CNP: variants seen among roughly 807,000 people sequenced by gnomAD.
The protein encoded by CNP is 2',3'-cyclic nucleotide 3' phosphodiesterase.
Under a neutral mutation model 37.9 loss-of-function variants are expected in CNP, and 8 were observed. The ratio of observed to expected loss-of-function variants is 0.21; its 90% confidence interval spans 0.12 to 0.38. The LOEUF (loss-of-function observed/expected upper bound fraction) is 0.38. Among genes scored for constraint, CNP ranks in the 10% least tolerant of loss-of-function variants. The pLI is 1.00. For missense variants in CNP, 457 were observed against 551.0 expected, an observed-to-expected ratio of 0.83 and a Z score of 1.71; for synonymous variants, 237 against 238.3, an observed-to-expected ratio of 0.99 and a Z score of 0.05.
rs782021529 is a variant in CNP at position 41,973,603 on chromosome 17, C to T, written c.945C>T (p.Asp315=). 2 of 1,614,204 alleles carry T rather than the reference C, an allele frequency of 1.2e-6. No individual in the cohort carries two copies. The highest frequency in any genetic ancestry group is 1.7e-6 in the Non-Finnish European group (2 of 1,180,050). Residue 315 remains aspartate (D), a synonymous_variant, in exon 4 of 4, where the codon GAC becomes GAT. Transcript: ENST00000393892. ...QQLQLWPSDV[D]KLSPTDNLPR... ...TGCAGTTGTGGCCGAGTGATGTGGA[C>T]AAGCTGTCACCCACTGACAACCTGC...
In CNP at chr17:41,966,833, C is replaced by A; in HGVS notation, c.-52C>A. The A allele has an allele frequency of 1.5e-6, 2 of 1,375,656 alleles. No individual in the cohort carries two copies. Among genetic ancestry groups the A allele is most frequent in the Admixed American group, 3.2e-5 (1 of 30,932 alleles). 85.2% of individuals were successfully genotyped at this position (1,375,656 alleles called of 1,614,324 possible). A position where few individuals can be genotyped will look rare whatever the true frequency, so the allele number is the denominator to read the frequency against. On this transcript the variant is annotated 5_prime_UTR_variant, in exon 1 of 4. Transcript: ENST00000393892. ...CGTGTCCCTCCGCGCAGGCGGGCGG[C>A]CCCGGAGCGCTGGTGCCGGCAGAGG...
chr17:41,976,689 C>G lies in CNP; in HGVS notation c.*2765C>G. ...AACTGTTTCCACATTCAAGATTAAA[C>G]TGAGTGAATCTGCATTTTCTGGGTT... On this transcript the variant is annotated 3_prime_UTR_variant, in exon 4 of 4. Transcript: ENST00000393892. The G allele has an allele frequency of 6.2e-7, 1 of 1,602,478 alleles. No homozygotes were observed. The highest frequency in any genetic ancestry group is 1.1e-5 in the South Asian group (1 of 90,298).
chr17:41,967,628 G>A (rs2050920462), intron 1 of CNP: 4 of 1,008,404 alleles, frequency 4.0e-6, no homozygotes, highest in Non-Finnish European at 4.8e-6. Flanking sequence ...TGCGGCCATT[G>A]TTGGGGGAAG....
rs782066235 is a variant in CNP at position 41,973,703 on chromosome 17, T to C, written c.1045T>C (p.Leu349=). The change falls in exon 4 of 4, where the codon TTA becomes CTA. Residue 349 remains leucine, a synonymous_variant. Coordinates refer to ENST00000393892, the MANE Select transcript of CNP (RefSeq NM_033133.5). ...GGCCGTGCAGACGGGCCTTGACCTC[T>C]TAGAGATTCTGCGGCAGGAGAAGGG... ...VEAVQTGLDL[L]EILRQEKGGS... The C allele has an allele frequency of 2.6e-5, 42 of 1,612,340 alleles. No homozygotes were observed. The Admixed American group carries it at 7.0e-4, about 27-fold the overall frequency.
In CNP at chr17:41,976,576, C is replaced by T; in HGVS notation, c.*2652C>T. On this transcript the variant is annotated 3_prime_UTR_variant, in exon 4 of 4. Transcript: ENST00000393892. ...CGGTCTTCGGCATTGGTTCCCTTTG[C>T]TCCACCCCACTCACAGAGACACAGG... 1.1e-5 allele frequency: 10 copies of T among 920,366 alleles called. No individual in the cohort carries two copies. Among genetic ancestry groups the T allele is most frequent in the Non-Finnish European group, 1.4e-5 (9 of 629,286 alleles). 57.0% of individuals were successfully genotyped at this position (920,366 alleles called of 1,614,324 possible).
chr17:41,974,074 A>C lies in CNP; in HGVS notation c.*150A>C, dbSNP rs1598106631. 1.6e-6 allele frequency: 1 copy of C among 644,928 alleles called. No individual in the cohort carries two copies. Among genetic ancestry groups the C allele is most frequent in the Non-Finnish European group, 2.3e-6 (1 of 430,032 alleles). 40.0% of individuals were successfully genotyped at this position (644,928 alleles called of 1,614,324 possible). A position where few individuals can be genotyped will look rare whatever the true frequency, so the allele number is the denominator to read the frequency against. On this transcript the variant is annotated 3_prime_UTR_variant, in exon 4 of 4. Transcript: ENST00000393892. ...TTTTTAAAAACTTGTAAAATAACTG[A>C]CCCTCCCTTCCTGTCCGCCCTCTTC...
intron 3 of CNP, among the ~76,000 whole-genome samples, chr17:41,972,345 T>C (rs2051002507): frequency 6.6e-6 from 1 of 152,006 alleles, no homozygotes; most frequent in Admixed American, 6.6e-5. Context: ...TCTCTGAGCC[T>C]GTTTTACCTT....
At chr17:41,973,344 G>A (rs2051019029) in intron 3 of CNP, 131 bp from the exon 4 acceptor site, 3 of 855,190 alleles carry the variant, frequency 3.5e-6, no homozygotes, top group East Asian at 4.9e-5. Context: ...GGCCTATACC[G>A]ACCCCTGCTC....
At position 41,972,179 on chromosome 17, in the gene CNP, CCT is replaced by C. The variant is rs751611071; in HGVS notation, c.816+149_816+150del. The C allele has an allele frequency of 6.5e-5, 64 of 982,122 alleles. 1 individual carries two copies. The highest frequency in any genetic ancestry group is 5.4e-5 in the Non-Finnish European group (36 of 665,762). 60.8% of individuals were successfully genotyped at this position (982,122 alleles called of 1,614,324 possible). On this transcript the variant is annotated intron_variant, in intron 3 of 3. Coordinates refer to ENST00000393892, the MANE Select transcript of CNP (RefSeq NM_033133.5). ...AATGGCATCTCCTCCTCCTAGCTCC[CCT>C]GTCCCCAGGCGTAGCTGCATAGACC...
intron 2 of CNP, 136 bp from the exon 3 acceptor site, chr17:41,971,752 CAATG>C (rs1196426092): frequency 9.8e-6 from 11 of 1,126,528 alleles, no homozygotes; most frequent in Non-Finnish European, 1.4e-5. Context: ...ACCAACTAAC[CAATG>C]AATGAGCTGT....
Position 41,973,464 on chromosome 17 carries a change from A to G in CNP, c.817-11A>G. 6.2e-7 allele frequency: 1 copy of G among 1,603,810 alleles called. No homozygotes were observed. The highest frequency in any genetic ancestry group is 1.1e-5 in the South Asian group (1 of 90,070). On this transcript the variant is annotated splice_polypyrimidine_tract_variant and intron_variant, in intron 3 of 3. Coordinates refer to ENST00000393892, the MANE Select transcript of CNP (RefSeq NM_033133.5). ...TCTCTAGCTTGGGCCCCTCTTTCTC[A>G]CTCTCCCCAGGTGTTAAAGAAATCT...
At chr17:41,971,819 T>G (rs2050994479) in intron 2 of CNP, 73 bp from the exon 3 acceptor site, 3 of 1,592,384 alleles carry the variant, frequency 1.9e-6, no homozygotes, top group Non-Finnish European at 2.6e-6. Context: ...GCGCTGGGCC[T>G]CGGTGGTCCT....
chr17:41,972,086 T>C, intron 3 of CNP, 55 bp downstream of exon 3: 1 of 1,597,276 alleles, frequency 6.3e-7, no homozygotes, highest in East Asian at 2.3e-5. Flanking sequence ...GAGAAGGGGC[T>C]GCAGCATCTT....
chr17:41,973,451 GC>G lies in CNP; in HGVS notation c.817-20del, dbSNP rs781848378. 43 of 1,595,934 alleles carry G rather than the reference GC, an allele frequency of 2.7e-5. No homozygotes were observed. The South Asian group carries it at 4.4e-4, about 16-fold the overall frequency. On this transcript the variant is annotated intron_variant, in intron 3 of 3. Transcript: ENST00000393892. ...CAAGAGCCTGCCATCTCTAGCTTGG[GC>G]CCCTCTTTCTCACTCTCCCCAGGTG...
intron 2 of CNP, chr17:41,971,358 A>G (rs1273422986): frequency 1.3e-5 from 2 of 151,656 alleles, no homozygotes; most frequent in African/African-American, 4.9e-5. Context: ...TGGAGAAGAG[A>G]TGGAAAGATC....
intron 1 of CNP, chr17:41,967,596 C>A: frequency 1.1e-6 from 1 of 951,608 alleles, no homozygotes; most frequent in South Asian, 4.6e-5. Context: ...ACCCGCATGC[C>A]AGACAAGAGA....
chr17:41,968,226 C>T lies in CNP; in HGVS notation c.162C>T (p.Ile54=), dbSNP rs2050932349. 1.2e-6 allele frequency: 2 copies of T among 1,614,132 alleles called. No homozygotes were observed. Among genetic ancestry groups the T allele is most frequent in the Non-Finnish European group, 1.7e-6 (2 of 1,180,044 alleles). Residue 54 remains isoleucine (I), a synonymous_variant, in exon 2 of 4, where the codon ATC becomes ATT. Coordinates refer to ENST00000393892, the MANE Select transcript of CNP (RefSeq NM_033133.5). This position sits in a 1 kb window ranked among gnomAD's most constrained non-coding sequence, Gnocchi z 4.8. ...TGCTAGAGTGCAAGACGCTCTTCATCTTGCGCGGCCTGCCAGGAAGCGGCA... is the reference window on the plus strand; with the variant it reads ...TGCTAGAGTGCAAGACGCTCTTCATTTTGCGCGGCCTGCCAGGAAGCGGCA... ...ATLLECKTLF[I]LRGLPGSGKS...
Position 41,977,428 on chromosome 17 carries a change from A to G in CNP, c.*3504A>G, listed in dbSNP as rs2051118194. The stretch of plus-strand genomic sequence containing the variant: ...GAACAGATCTCCAAAGCTTTCCTGG[A>G]GAGTCTCACTCCCCTCCTTTCCCAA... On this transcript the variant is annotated 3_prime_UTR_variant, in exon 4 of 4. Coordinates refer to ENST00000393892, the MANE Select transcript of CNP (RefSeq NM_033133.5). 9.6e-7 allele frequency: 1 copy of G among 1,039,602 alleles called. No individual in the cohort carries two copies. The allele number at this position is 1,039,602 out of a possible 1,614,324, so 64.4% of individuals were successfully genotyped here. A position where few individuals can be genotyped will look rare whatever the true frequency, so the allele number is the denominator to read the frequency against.
Position 41,974,039 on chromosome 17 carries a change from T to C in CNP, c.*115T>C. On this transcript the variant is annotated 3_prime_UTR_variant, in exon 4 of 4. Transcript: ENST00000393892. ...TTTTTTTTTTTACTCAAAGTTAACC[T>C]ACCTGTAACTTTTTAAAAACTTGTA... 1 of 912,096 alleles carries C rather than the reference T, an allele frequency of 1.1e-6. No individual in the cohort carries two copies. The allele number at this position is 912,096 out of a possible 1,614,324, so 56.5% of individuals were successfully genotyped here. A position where few individuals can be genotyped will look rare whatever the true frequency, so the allele number is the denominator to read the frequency against.
Sources: allele counts gnomAD v4.1 joint callset (sites outside exome capture counted in the v4.1 genomes callset), GRCh38; gene constraint gnomAD v4.1.1; non-coding constraint Gnocchi (gnomAD v3.1); transcripts MANE v1.5; gene names NCBI Gene and HGNC (gene_info 2026-07-23, HGNC 2026-07-21).